Variants in TTL observed in about 807,000 individuals in gnomAD.
TTL encodes tubulin--tyrosine ligase.
TTL carries 10 observed loss-of-function variants against 41.1 expected under a neutral mutation model. The ratio of observed to expected loss-of-function variants is 0.24; its 90% CI spans 0.15 to 0.41. TTL has a LOEUF of 0.41. Among genes scored for constraint, TTL ranks in the 10% least tolerant of loss-of-function variants. TTL has a pLI of 1.00. For missense variants in TTL, 367 were observed against 460.4 expected, an observed-to-expected ratio of 0.80 and a Z score of 1.86; for synonymous variants, 175 against 175.5, an observed-to-expected ratio of 1.00 and a Z score of 0.02.
chr2:112,515,948 G>GAATAAATAAATAAATAAATA (rs59842188), intron 5 of TTL, among the ~76,000 whole-genome samples: 12 of 145,532 alleles, frequency 8.2e-5, no homozygotes, highest in African/African-American at 2.8e-4. Flanking sequence ...CTCCATCTCA[G>GAATAAATAAATAAATAAATA]AATAAATAAA....
intron 2 of TTL, among the ~76,000 whole-genome samples, chr2:112,493,173 G>A (rs1006566521): frequency 6.6e-6 from 1 of 152,102 alleles, no homozygotes; most frequent in African/African-American, 2.4e-5. Context: ...CACAGACTGG[G>A]TTTTGTAGGT....
intron 6 of TTL, among the ~76,000 whole-genome samples, chr2:112,525,415 A>C (rs1215068155): frequency 6.6e-6 from 1 of 152,150 alleles, no homozygotes; most frequent in Non-Finnish European, 1.5e-5. Flanking sequence ...GATTCTTCCT[A>C]TCCATGAGCA....
intron 5 of TTL, among the ~76,000 whole-genome samples, chr2:112,516,981 T>C (rs1215526606): frequency 1.3e-5 from 2 of 152,136 alleles, no homozygotes; most frequent in African/African-American, 2.4e-5. Flanking sequence ...TGTTCATTGC[T>C]GTTCAGAGTG....
intron 3 of TTL, among the ~76,000 whole-genome samples, chr2:112,499,984 G>A (rs1681647506): frequency 6.6e-6 from 1 of 152,156 alleles, no homozygotes; most frequent in African/African-American, 2.4e-5. Flanking sequence ...CAATGCAAAC[G>A]TCCATCAATT....
intron 2 of TTL, among the ~76,000 whole-genome samples, chr2:112,488,273 C>T (rs1207599140): frequency 1.3e-5 from 2 of 152,192 alleles, no homozygotes; most frequent in African/African-American, 2.4e-5. Context: ...CTGATTACTT[C>T]CCAAATGGGC....
In TTL at chr2:112,482,187, G is replaced by A. The variant is rs1681102415; in HGVS notation, c.-158G>A. Reference sequence around the variant, plus strand: ...CTCTCCGGCACCCGGCGGGCGCCCGGGCGCGGCGCCGCCGGCACCCGAGAG... The same window carrying A: ...CTCTCCGGCACCCGGCGGGCGCCCGAGCGCGGCGCCGCCGGCACCCGAGAG... On this transcript the variant is annotated 5_prime_UTR_variant, in exon 1 of 7. Coordinates refer to ENST00000233336, the MANE Select transcript of TTL (RefSeq NM_153712.5). The surrounding 1 kb of genome is among the most constrained non-coding windows in gnomAD (Gnocchi z 5.3). 1.1e-5 allele frequency: 3 copies of A among 270,276 alleles called. No homozygotes were observed. The highest frequency in any genetic ancestry group is 1.7e-5 in the Non-Finnish European group (3 of 180,110). 16.7% of individuals were successfully genotyped at this position (270,276 alleles called of 1,614,324 possible).
At chr2:112,520,968 A>C (rs1174753971) in intron 6 of TTL, among the ~76,000 whole-genome samples, 2 of 152,072 alleles carry the variant, frequency 1.3e-5, no homozygotes, top group Admixed American at 6.6e-5. Flanking sequence ...GGGAGATGCC[A>C]TGAGAGTGTT....
chr2:112,485,790 GTTCCATT>G, intron 1 of TTL, 120 bp from the exon 2 acceptor site: 2 of 851,988 alleles, frequency 2.3e-6, no homozygotes, highest in Non-Finnish European at 1.9e-6. Flanking sequence ...AAACAAAATT[GTTCCATT>G]TTCCATTTTC....
intron 5 of TTL, among the ~76,000 whole-genome samples, chr2:112,514,469 T>C (rs1161926547): frequency 6.6e-6 from 1 of 152,240 alleles, no homozygotes; most frequent in Admixed American, 6.5e-5. Flanking sequence ...ATATTTTGTC[T>C]TTTTGTTTTT....
At chr2:112,489,353 A>T (rs1414106711) in intron 2 of TTL, among the ~76,000 whole-genome samples, 1 of 152,240 alleles carries the variant, frequency 6.6e-6, no homozygotes, top group Non-Finnish European at 1.5e-5. Flanking sequence ...CAAGTTGTAC[A>T]TAAAAGTTTT....
intron 5 of TTL, among the ~76,000 whole-genome samples, chr2:112,510,299 T>G (rs773120065): frequency 3.9e-5 from 6 of 152,034 alleles, no homozygotes; most frequent in Non-Finnish European, 7.4e-5. Context: ...CTGGCTAATT[T>G]TTTTATTTTT....
chr2:112,536,593 A>G lies in TTL; in HGVS notation c.*7798A>G, dbSNP rs1460262431. ...GGAGGTACATACACAGGTTTGTTAC[A>G]TGGGTCCTGAGGTTGGGGTACAGAT... On this transcript the variant is annotated 3_prime_UTR_variant, in exon 7 of 7. Coordinates refer to ENST00000233336, the MANE Select transcript of TTL (RefSeq NM_153712.5). The G allele has an allele frequency of 6.6e-6, 1 of 152,164 alleles. No homozygotes were observed. Among genetic ancestry groups the G allele is most frequent in the African/African-American group, 2.4e-5 (1 of 41,430 alleles). 9.4% of individuals were successfully genotyped at this position (152,164 alleles called of 1,614,324 possible). A position where few individuals can be genotyped will look rare whatever the true frequency, so the allele number is the denominator to read the frequency against.
rs1681740962 is a variant in TTL, at chr2:112,502,939, T to C, written c.633T>C (p.Tyr211=). ...IRSWVLVDHQ[Y]NIYLYREGVL... is the part of the protein sequence containing the mutation. Reference sequence around the variant, plus strand: ...GCTGGGTCTTGGTGGATCATCAGTATAATATCTACCTCTATAGAGAGGGTG... The same window carrying C: ...GCTGGGTCTTGGTGGATCATCAGTACAATATCTACCTCTATAGAGAGGGTG... Residue 211 remains tyrosine, a synonymous_variant, in exon 5 of 7, where the codon TAT becomes TAC. Coordinates refer to ENST00000233336, the MANE Select transcript of TTL (RefSeq NM_153712.5). 6.2e-6 allele frequency: 10 copies of C among 1,613,636 alleles called. No homozygotes were observed. Among genetic ancestry groups the C allele is most frequent in the Non-Finnish European group, 7.6e-6 (9 of 1,179,838 alleles).
Position 112,528,769 on chromosome 2 carries a change from C to CA in TTL, c.1109dup (p.Pro371AlafsTer28). 1 of 1,614,136 alleles carries CA rather than the reference C, an allele frequency of 6.2e-7. No individual in the cohort carries two copies. The highest frequency in any genetic ancestry group is 8.5e-7 in the Non-Finnish European group (1 of 1,180,014). Reference sequence around the variant, plus strand: ...CCCAGATGTGGAGCAACCTCAGACCCAGCCAGCTGCCTTCATCAAGCTGTG... The same window carrying CA: ...CCCAGATGTGGAGCAACCTCAGACCCAAGCCAGCTGCCTTCATCAAGCTGTG... On this transcript the variant is annotated frameshift_variant, in exon 7 of 7. Transcript: ENST00000233336. LOFTEE classifies it high-confidence loss of function.
intron 6 of TTL, chr2:112,521,485 T>A: frequency 2.0e-6 from 1 of 510,920 alleles, no homozygotes; most frequent in Non-Finnish European, 2.5e-6. Flanking sequence ...TTGAAGAAAT[T>A]GAGTGATTTT....
intron 5 of TTL, among the ~76,000 whole-genome samples, chr2:112,503,805 C>CTTTTTTTTTTTT (rs70963002): frequency 3.9e-5 from 4 of 102,540 alleles, no homozygotes; most frequent in Admixed American, 1.2e-4. Context: ...CCGTAAACTT[C>CTTTTTTTTTTTT]TTTTTTTTTT....
At chr2:112,501,018 A>G (rs1414748723) in intron 3 of TTL, among the ~76,000 whole-genome samples, 188 bp from the exon 4 acceptor site, 2 of 148,468 alleles carry the variant, frequency 1.3e-5, no homozygotes, top group Admixed American at 6.7e-5. Context: ...AGTTGGTAGG[A>G]TAATCCTGGG....
rs556026971 is a variant in TTL, at chr2:112,507,717, C to T, written c.875+4536C>T. Among the ~76,000 whole-genome samples, 10 of 150,062 alleles carry T rather than the reference C, an allele frequency of 6.7e-5. No individual in the cohort carries two copies. The East Asian group carries it at 1.6e-3, about 24-fold the overall frequency. ...TTTTGAGCCTATGTGTGTCTCTGCA[C>T]GTGAGATGGGTTTCCTGAATACAGC... is the stretch of plus-strand genomic sequence containing the variant. On this transcript the variant is annotated intron_variant, in intron 5 of 6. Coordinates refer to ENST00000233336, the MANE Select transcript of TTL (RefSeq NM_153712.5).
intron 6 of TTL, among the ~76,000 whole-genome samples, chr2:112,527,825 A>C (rs995568462): frequency 6.6e-6 from 1 of 152,102 alleles, no homozygotes; most frequent in Non-Finnish European, 1.5e-5. Flanking sequence ...TAAGGTTAAT[A>C]TTGTTATATG....
Sources: allele counts gnomAD v4.1 joint callset (sites outside exome capture counted in the v4.1 genomes callset), GRCh38; gene constraint gnomAD v4.1.1; non-coding constraint Gnocchi (gnomAD v3.1); transcripts MANE v1.5; gene names NCBI Gene and HGNC (gene_info 2026-07-23, HGNC 2026-07-21).